FRK: variants seen among roughly 807,000 people sequenced by gnomAD.
FRK encodes the protein fyn related Src family tyrosine kinase, also known as tyrosine-protein kinase FRK.
FRK carries 51 observed loss-of-function variants against 56.4 expected under a neutral mutation model. The ratio of observed to expected loss-of-function variants is 0.90; its 90% CI spans 0.72 to 1.14. FRK has a LOEUF of 1.14. Ranked by LOEUF, FRK falls within the 50% of genes most tolerant of loss-of-function variation. The pLI is 0.00. For synonymous variants in FRK, 245 were observed against 217.9 expected (o/e 1.12, Z -1.10); for missense variants, 570 against 601.4 (o/e 0.95, Z 0.55).
chr6:116,086,003 A>C, the FRK span, among the ~76,000 whole-genome samples: 5 of 152,104 alleles, frequency 3.3e-5, no homozygotes, highest in African/African-American at 1.2e-4. Context: ...TTGAATGTCC[A>C]AATGACTTTT....
intron 1 of FRK, among the ~76,000 whole-genome samples, chr6:116,026,388 G>A (rs1776088506): frequency 6.6e-6 from 1 of 151,984 alleles, no homozygotes; most frequent in South Asian, 2.1e-4. Context: ...TTGTACTAAT[G>A]TAAAAAGCAA....
chr6:115,957,728 A>T (rs1309301973), intron 4 of FRK, among the ~76,000 whole-genome samples: 1 of 152,222 alleles, frequency 6.6e-6, no homozygotes, highest in Non-Finnish European at 1.5e-5. Flanking sequence ...GAGAACCCAG[A>T]AGTTCAGAAC....
intron 1 of FRK, among the ~76,000 whole-genome samples, chr6:116,022,582 C>T (rs1434232418): frequency 1.3e-5 from 2 of 152,042 alleles, no homozygotes; most frequent in Non-Finnish European, 2.9e-5. Context: ...GCAGAAAAAT[C>T]TTTTTGAAAA....
intron 2 of FRK, among the ~76,000 whole-genome samples, chr6:115,972,542 C>G (rs1326797188): frequency 1.3e-5 from 2 of 152,156 alleles, no homozygotes; most frequent in East Asian, 1.9e-4. Flanking sequence ...AGCAAAATGC[C>G]ATCAGCAAAT....
chr6:115,973,737 G>A (rs1198635535), intron 2 of FRK, among the ~76,000 whole-genome samples: 1 of 152,030 alleles, frequency 6.6e-6, no homozygotes, highest in African/African-American at 2.4e-5. Flanking sequence ...CGGGTGTGTT[G>A]GCATGTGCCT....
the FRK span, among the ~76,000 whole-genome samples, chr6:116,067,564 A>G: frequency 1.3e-5 from 2 of 152,150 alleles, no homozygotes; most frequent in Non-Finnish European, 2.9e-5. Flanking sequence ...CAATCAACCA[A>G]TAATCATTAC....
the FRK span, among the ~76,000 whole-genome samples, chr6:116,069,377 CTA>C: frequency 2.6e-5 from 4 of 152,092 alleles, no homozygotes; most frequent in Non-Finnish European, 4.4e-5. Context: ...ATTCCAAACT[CTA>C]TGTGCAAAGT....
intron 1 of FRK, among the ~76,000 whole-genome samples, chr6:116,053,227 T>C (rs1237300892): frequency 6.6e-6 from 1 of 152,172 alleles, no homozygotes; most frequent in Non-Finnish European, 1.5e-5. Context: ...AGTTGAAACA[T>C]TCACCAGAAG....
intron 1 of FRK, among the ~76,000 whole-genome samples, chr6:116,057,298 CTT>C (rs1036129707): frequency 2.0e-5 from 3 of 152,104 alleles, no homozygotes; most frequent in African/African-American, 7.2e-5. Flanking sequence ...AAAAAATAGA[CTT>C]TTGAAAAAAC....
rs79811969 is a variant in FRK at position 115,959,166 on chromosome 6, G to A, written c.800-2556C>T. ...TTCATTTCAGGCTCATCTTTATTGC[G>A]TAGTAGCCTGCTCAGCAATAAATAG... On this transcript the variant is annotated intron_variant, in intron 4 of 7. Transcript: ENST00000606080. Among the ~76,000 whole-genome samples the A allele has an allele frequency of 3.1e-3, 479 of 152,286 alleles. 13 individuals are homozygous for A. In the South Asian group the frequency reaches 0.035, roughly 11 times the overall value.
intron 1 of FRK, among the ~76,000 whole-genome samples, chr6:116,059,468 A>T (rs1435844849): frequency 6.6e-6 from 1 of 152,206 alleles, no homozygotes; most frequent in Admixed American, 6.5e-5. Flanking sequence ...GTTGTCTTCT[A>T]CATTAGCCCT....
intron 5 of FRK, among the ~76,000 whole-genome samples, chr6:115,947,636 C>G (rs1336022731): frequency 2.6e-5 from 4 of 152,048 alleles, no homozygotes; most frequent in Admixed American, 2.0e-4. Flanking sequence ...GAGTCTAAAT[C>G]CCTGTATTAC....
the FRK span, among the ~76,000 whole-genome samples, chr6:116,087,329 A>C: frequency 1.6e-4 from 25 of 152,328 alleles, no homozygotes; most frequent in Middle Eastern, 3.4e-3. Context: ...AAAAAAATAG[A>C]AGTTTATTCA....
chr6:115,961,669 A>G (rs368867583), intron 4 of FRK, among the ~76,000 whole-genome samples: 7 of 60,484 alleles, frequency 1.2e-4, no homozygotes, highest in African/African-American at 3.1e-4. Context: ...CCCTCAAAGG[A>G]AAGCCCATCA....
Position 116,009,825 on chromosome 6 carries a change from CTGTGTCTGCAGGACATTGTTGTATAAAA to C in FRK, c.345-5855_345-5828del, listed in dbSNP as rs1232091061. Among the ~76,000 whole-genome samples, 14 of 152,232 alleles carry C rather than the reference CTGTGTCTGCAGGACATTGTTGTATAAAA, an allele frequency of 9.2e-5. No individual in the cohort carries two copies. The East Asian group carries it at 1.9e-3, about 21-fold the overall frequency. ...TAACACAGAAAGATTGTGTTATTTT[CTGTGTCTGCAGGACATTGTTGTATAAAA>C]TGTGTCTGCAGGACATTGTTGTATA... On this transcript the variant is annotated intron_variant, in intron 1 of 7. Coordinates refer to ENST00000606080, the MANE Select transcript of FRK (RefSeq NM_002031.3).
chr6:116,044,598 C>T (rs375258125), intron 1 of FRK, among the ~76,000 whole-genome samples: 7 of 152,140 alleles, frequency 4.6e-5, no homozygotes, highest in Admixed American at 2.6e-4. Flanking sequence ...ATAATAAGAG[C>T]GATTTATGAC....
chr6:115,996,116 C>T (rs535681827), intron 2 of FRK, among the ~76,000 whole-genome samples: 51 of 152,232 alleles, frequency 3.4e-4, no homozygotes, highest in Middle Eastern at 6.8e-3. Context: ...ATAGAAGTTT[C>T]ATTGCATAAT....
chr6:116,011,964 T>A (rs1775490423), intron 1 of FRK, among the ~76,000 whole-genome samples: 1 of 152,186 alleles, frequency 6.6e-6, no homozygotes, highest in African/African-American at 2.4e-5. Context: ...CCCACTCACA[T>A]GGAATGATAA....
At chr6:115,967,493 T>C in intron 4 of FRK, 58 bp downstream of exon 4, 1 of 1,506,102 alleles carries the variant, frequency 6.6e-7, no homozygotes, top group South Asian at 1.2e-5. Context: ...ATATTTACAG[T>C]GTTAAATTGA....
Sources: gnomAD v4.1 joint callset for allele counts (sites outside exome capture counted in the v4.1 genomes callset) on GRCh38, gnomAD v4.1.1 for gene constraint, MANE v1.5 for transcripts, NCBI Gene and HGNC (gene_info 2026-07-23, HGNC 2026-07-21) for gene names.